GYPE: variants seen among roughly 807,000 people sequenced by gnomAD.
GYPE encodes the protein glycophorin E (MNS blood group), also known as glycophorin-E.
In GYPE, 8 loss-of-function variants were observed where a neutral mutation model predicts 11.6. That is an observed-to-expected ratio of 0.69 (90% CI 0.41 to 1.25). The LOEUF (loss-of-function observed/expected upper bound fraction) is 1.25. Ranked by LOEUF, GYPE falls within the 50% of genes most tolerant of loss-of-function variation. The pLI, the probability that GYPE is intolerant of heterozygous loss-of-function variation, is 0.01. For missense variants in GYPE, 90 were observed against 92.8 expected (o/e 0.97, Z 0.12); for synonymous variants, 28 against 29.6 (o/e 0.94, Z 0.18).
chr4:143,876,660 T>C lies in GYPE; in HGVS notation c.*9+86A>G, dbSNP rs372645146. On this transcript the variant is annotated intron_variant, in intron 3 of 3. Coordinates refer to ENST00000358615, the MANE Select transcript of GYPE (RefSeq NM_198682.3). Reference sequence around the variant, plus strand: ...AATTTTATGCAGTTCTGTTTCTCTTTTGAGTTTAACTGAACTCAGAGGAAT... The same window carrying C: ...AATTTTATGCAGTTCTGTTTCTCTTCTGAGTTTAACTGAACTCAGAGGAAT... The C allele has an allele frequency of 1.1e-4, 78 of 714,704 alleles. No homozygotes were observed. In the Middle Eastern group the frequency reaches 1.4e-3, roughly 13 times the overall value. The allele number at this position is 714,704 out of a possible 1,614,324, so 44.3% of individuals were successfully genotyped here. A position where few individuals can be genotyped will look rare whatever the true frequency, so the allele number is the denominator to read the frequency against.
chr4:143,874,531 C>G (rs1306963657), intron 3 of GYPE, among the ~76,000 whole-genome samples: 1 of 152,240 alleles, frequency 6.6e-6, no homozygotes, highest in African/African-American at 2.4e-5. Flanking sequence ...TTGTGACAAT[C>G]TCTTACTGCT....
intron 1 of GYPE, among the ~76,000 whole-genome samples, chr4:143,891,548 T>C (rs1744406540): frequency 6.6e-6 from 1 of 151,986 alleles, no homozygotes; most frequent in South Asian, 2.1e-4. Flanking sequence ...CAGGACGATC[T>C]TGATCTCCTG....
chr4:143,875,461 C>G, intron 3 of GYPE: 1 of 1,550,872 alleles, frequency 6.4e-7, no homozygotes, highest in Non-Finnish European at 8.7e-7. Flanking sequence ...ACAGCAGGTG[C>G]AGCTGGTTCT....
At chr4:143,891,480 C>G (rs1744403905) in intron 1 of GYPE, among the ~76,000 whole-genome samples, 1 of 151,696 alleles carries the variant, frequency 6.6e-6, no homozygotes, top group African/African-American at 2.4e-5. Flanking sequence ...AGGTGCCCGC[C>G]ACCAAGCCTG....
intron 1 of GYPE, among the ~76,000 whole-genome samples, chr4:143,892,161 C>T (rs199918249): frequency 6.6e-6 from 1 of 152,034 alleles, no homozygotes; most frequent in East Asian, 1.9e-4. Context: ...GTGATATCCC[C>T]TTTATCATTT....
At position 143,875,854 on chromosome 4, in the gene GYPE, G is replaced by A. The variant is rs111456283; in HGVS notation, c.*9+892C>T. 4.3e-3 allele frequency among the ~76,000 whole-genome samples: 658 copies of A among 152,086 alleles called. 5 individuals carry two copies. Among genetic ancestry groups the A allele is most frequent in the African/African-American group, 0.015 (607 of 41,472 alleles). ...TCAGGAATGGTGGCCCGCACCTGTA[G>A]TCCCAACTACTGTGGAGGCTGAAGC... On this transcript the variant is annotated intron_variant, in intron 3 of 3. Transcript: ENST00000358615.
At chr4:143,895,726 T>C (rs1390457128) in intron 1 of GYPE, among the ~76,000 whole-genome samples, 3 of 146,028 alleles carry the variant, frequency 2.1e-5, no homozygotes, top group Non-Finnish European at 3.0e-5. Flanking sequence ...AGAACAAAGC[T>C]GGAGGCATCA....
intron 3 of GYPE, among the ~76,000 whole-genome samples, chr4:143,872,856 A>T (rs990786571): frequency 5.2e-5 from 7 of 133,380 alleles, no homozygotes; most frequent in Admixed American, 7.6e-5. Context: ...GGTTGCAACC[A>T]AATGACAGGA....
chr4:143,902,915 T>G (rs1168894495), intron 1 of GYPE, among the ~76,000 whole-genome samples: 1 of 152,090 alleles, frequency 6.6e-6, no homozygotes, highest in Non-Finnish European at 1.5e-5. Flanking sequence ...TACTGTATTT[T>G]CAAATTGGTT....
chr4:143,900,220 A>G (rs1409377255), intron 1 of GYPE, among the ~76,000 whole-genome samples: 4 of 136,928 alleles, frequency 2.9e-5, no homozygotes, highest in Admixed American at 2.3e-4. Flanking sequence ...AGTTATCAGG[A>G]AAATGCAAGA....
intron 1 of GYPE, among the ~76,000 whole-genome samples, chr4:143,896,910 A>G (rs1442576507): frequency 3.3e-5 from 5 of 152,084 alleles, no homozygotes; most frequent in Non-Finnish European, 7.3e-5. Flanking sequence ...CGCAAGGACA[A>G]AAAACCAAAC....
intron 1 of GYPE, among the ~76,000 whole-genome samples, chr4:143,900,733 A>G (rs552142186): frequency 1.2e-4 from 18 of 152,294 alleles, no homozygotes; most frequent in Non-Finnish European, 1.8e-4. Context: ...GCCATACACA[A>G]AAGGCTACCT....
At position 143,876,008 on chromosome 4, in the gene GYPE, C is replaced by CA. The variant is rs551065881; in HGVS notation, c.*9+737dup. On this transcript the variant is annotated intron_variant, in intron 3 of 3. Coordinates refer to ENST00000358615, the MANE Select transcript of GYPE (RefSeq NM_198682.3). ...AAAAATAAAAAAAGCATTAATGATT[C>CA]AAAAAAAATCACTGATGTTAAGAAT... 1.5e-3 allele frequency among the ~76,000 whole-genome samples: 219 copies of CA among 150,884 alleles called. 2 individuals carry two copies. The highest frequency in any genetic ancestry group is 2.5e-3 in the Non-Finnish European group (169 of 67,726).
intron 2 of GYPE, 74 bp from the exon 3 acceptor site, chr4:143,876,929 T>C (rs1171589673): frequency 2.5e-6 from 2 of 804,286 alleles, no homozygotes; most frequent in South Asian, 1.4e-5. Context: ...AAAAATAAGA[T>C]AACATCAGCA....
intron 1 of GYPE, among the ~76,000 whole-genome samples, chr4:143,896,488 C>T (rs1240454465): frequency 6.6e-6 from 1 of 152,274 alleles, no homozygotes; most frequent in East Asian, 1.9e-4. Flanking sequence ...GAATGGCAAT[C>T]ATTAAAAGTC....
At chr4:143,900,504 T>C (rs1744818976) in intron 1 of GYPE, among the ~76,000 whole-genome samples, 1 of 139,734 alleles carries the variant, frequency 7.2e-6, no homozygotes, top group African/African-American at 2.6e-5. Flanking sequence ...GCAGCACTAT[T>C]CACAATAGCC....
At chr4:143,890,929 G>A (rs1357455894) in intron 1 of GYPE, among the ~76,000 whole-genome samples, 4 of 151,722 alleles carry the variant, frequency 2.6e-5, no homozygotes, top group Non-Finnish European at 5.9e-5. Flanking sequence ...GGTGGAAGTT[G>A]GCCTGAGTGT....
intron 3 of GYPE, among the ~76,000 whole-genome samples, chr4:143,874,966 G>A (rs891467607): frequency 6.6e-6 from 1 of 152,176 alleles, no homozygotes; most frequent in South Asian, 2.1e-4. Context: ...AGCCTATCAA[G>A]AATCTGGTTT....
chr4:143,897,197 G>C (rs545492669), intron 1 of GYPE, among the ~76,000 whole-genome samples: 9 of 151,994 alleles, frequency 5.9e-5, no homozygotes, highest in East Asian at 1.9e-4. Flanking sequence ...GGTGTGGTGG[G>C]TCGTGCCTGT....
Sources: gnomAD v4.1 joint callset for allele counts (sites outside exome capture counted in the v4.1 genomes callset) on GRCh38, gnomAD v4.1.1 for gene constraint, MANE v1.5 for transcripts, NCBI Gene and HGNC (gene_info 2026-07-23, HGNC 2026-07-21) for gene names.